The following SOX5 variants were observed in gnomAD, a reference collection of about 807,000 sequenced individuals.
The protein encoded by SOX5 is transcription factor SOX-5.
A neutral mutation model predicts 92.0 loss-of-function variants in SOX5; 9 were observed. The observed-to-expected ratio is 0.10, with a 90% CI of 0.06 to 0.17. The LOEUF (loss-of-function observed/expected upper bound fraction) is 0.17. SOX5 is among the 10% of genes least tolerant of loss of function. The probability of loss-of-function intolerance (pLI) is 1.00; values close to 1 mark genes in which losing one functional copy is unlikely to be tolerated. For synonymous variants in SOX5, 344 were observed against 336.3 expected, an observed-to-expected ratio of 1.02 and a Z score of -0.25; for missense variants, 642 against 944.5, an observed-to-expected ratio of 0.68 and a Z score of 4.20.
chr12:23,710,211 G>A (rs1412490496), intron 6 of SOX5, among the ~76,000 whole-genome samples: 2 of 151,938 alleles, frequency 1.3e-5, no homozygotes, highest in Non-Finnish European at 2.9e-5. Context: ...ACATAATTTG[G>A]CCTGGAATAT....
At chr12:24,171,174 A>T (rs1199908344) in intron 4 of SOX5, among the ~76,000 whole-genome samples, 3 of 56,212 alleles carry the variant, frequency 5.3e-5, no homozygotes, top group Admixed American at 1.8e-4. Context: ...TCTAATAGTG[A>T]TTTTAGTTTT....
At chr12:24,206,161 G>A (rs571517459) in intron 4 of SOX5, among the ~76,000 whole-genome samples, 8 of 152,132 alleles carry the variant, frequency 5.3e-5, no homozygotes, top group Non-Finnish European at 1.0e-4. Flanking sequence ...ATTTAGATAA[G>A]AGCCAAAAAA....
At chr12:23,647,920 CT>C (rs1330252241) in intron 7 of SOX5, among the ~76,000 whole-genome samples, 3 of 152,216 alleles carry the variant, frequency 2.0e-5, no homozygotes, top group Non-Finnish European at 2.9e-5. Context: ...TGGCATAGCA[CT>C]TTTAATTTCC....
At chr12:23,859,616 C>T (rs1361407911) in intron 2 of SOX5, among the ~76,000 whole-genome samples, 3 of 152,146 alleles carry the variant, frequency 2.0e-5, no homozygotes, top group Non-Finnish European at 4.4e-5. Context: ...TTATTGCCCT[C>T]TGAAGCATGT....
At chr12:24,374,574 G>A (rs1033906512) in intron 1 of SOX5, among the ~76,000 whole-genome samples, 1 of 151,990 alleles carries the variant, frequency 6.6e-6, no homozygotes, top group Non-Finnish European at 1.5e-5. Context: ...AGGAAGCCCT[G>A]GCATGGGGAG....
At chr12:23,849,263 T>C (rs1228165788) in intron 2 of SOX5, among the ~76,000 whole-genome samples, 1 of 152,200 alleles carries the variant, frequency 6.6e-6, no homozygotes, top group Admixed American at 6.6e-5. Flanking sequence ...TAAACTGAAA[T>C]TAAGTTCATA....
At chr12:24,259,229 A>G (rs561214154) in intron 3 of SOX5, among the ~76,000 whole-genome samples, 1 of 152,172 alleles carries the variant, frequency 6.6e-6, no homozygotes, top group Non-Finnish European at 1.5e-5. Context: ...AGCGAGCGAG[A>G]GAGAGAGCAA....
chr12:23,913,934 T>A (rs74770273), intron 1 of SOX5, among the ~76,000 whole-genome samples: 1 of 152,126 alleles, frequency 6.6e-6, no homozygotes, highest in African/African-American at 2.4e-5. Flanking sequence ...ATCCAATAGC[T>A]TAGTCTATAG....
intron 2 of SOX5, among the ~76,000 whole-genome samples, chr12:23,874,243 T>C (rs897234739): frequency 1.6e-4 from 24 of 152,226 alleles, no homozygotes; most frequent in African/African-American, 4.8e-4. Context: ...GGAAACATTC[T>C]CATTAAAAAT....
In SOX5 at chr12:23,544,525, A is replaced by G. The variant is rs182187348; in HGVS notation, c.1598-1141T>C. Reference sequence around the variant, plus strand: ...CTTTTCTTTATTTTTAAATTTGGAGACACAGGAATCAAACAAAATTGCCCA... The same window carrying G: ...CTTTTCTTTATTTTTAAATTTGGAGGCACAGGAATCAAACAAAATTGCCCA... On this transcript the variant is annotated intron_variant, in intron 12 of 14. Transcript: ENST00000451604. Among the ~76,000 whole-genome samples, 72 of 152,240 alleles carry G rather than the reference A, an allele frequency of 4.7e-4. 1 individual carries two copies. The highest frequency in any genetic ancestry group is 1.7e-3 in the African/African-American group (71 of 41,552).
intron 2 of SOX5, among the ~76,000 whole-genome samples, chr12:24,355,347 A>G (rs1229343157): frequency 1.7e-5 from 2 of 118,984 alleles, no homozygotes; most frequent in African/African-American, 6.9e-5. Context: ...TCGCTCTGTC[A>G]CCCAGGCTGG....
chr12:23,563,116 A>G, intron 11 of SOX5, 142 bp downstream of exon 11: 1 of 635,764 alleles, frequency 1.6e-6, no homozygotes, highest in Non-Finnish European at 2.6e-6. Flanking sequence ...GATGGCGATG[A>G]GGCCTTCTAT....
At chr12:24,306,568 T>C (rs1948594301) in intron 2 of SOX5, among the ~76,000 whole-genome samples, 1 of 152,158 alleles carries the variant, frequency 6.6e-6, no homozygotes, top group Admixed American at 6.5e-5. Context: ...TGTGCCTAGA[T>C]GGCACCCACA....
intron 4 of SOX5, among the ~76,000 whole-genome samples, chr12:24,193,128 A>G (rs1269822337): frequency 2.0e-5 from 3 of 152,366 alleles, no homozygotes; most frequent in Non-Finnish European, 4.4e-5. Context: ...GAAAAACTGT[A>G]GCGCCATATA....
chr12:23,979,698 G>GTTTTTTTTTTTTTTTTTTTTTTTTTT lies in SOX5; in HGVS notation c.-1-83675_-1-83674insAAAAAAAAAAAAAAAAAAAAAAAAAA, dbSNP rs67253622. 3.2e-4 allele frequency among the ~76,000 whole-genome samples: 21 copies of GTTTTTTTTTTTTTTTTTTTTTTTTTT among 64,706 alleles called. 9 individuals carry two copies. The East Asian group carries it at 6.2e-3, about 19-fold the overall frequency. The allele number at this position is 64,706 out of a possible 152,430, so 42.4% of individuals were successfully genotyped here. A position where few individuals can be genotyped will look rare whatever the true frequency, so the allele number is the denominator to read the frequency against. On this transcript the variant is annotated intron_variant, in intron 4 of 4. Transcript: ENST00000446891. Reference sequence around the variant, plus strand: ...TTCTTCCTTCCATATATATATATATGTTTTTTTTGTTTTTTTTTTTTTTTT... The same window carrying GTTTTTTTTTTTTTTTTTTTTTTTTTT: ...TTCTTCCTTCCATATATATATATATGTTTTTTTTTTTTTTTTTTTTTTTTTTTTTTTTTTGTTTTTTTTTTTTTTTT...
intron 3 of SOX5, among the ~76,000 whole-genome samples, chr12:24,220,943 A>T (rs920020198): frequency 8.9e-5 from 13 of 146,370 alleles, no homozygotes; most frequent in African/African-American, 3.3e-4. Flanking sequence ...CGTGTTAGAC[A>T]CCTTATCTAC....
At position 24,441,965 on chromosome 12, in the gene SOX5, A is replaced by T. The variant is rs190957749; in HGVS notation, c.-250-73326T>A. Among the ~76,000 whole-genome samples the T allele has an allele frequency of 2.4e-3, 371 of 152,346 alleles. 2 individuals are homozygous for T. The highest frequency in any genetic ancestry group is 4.4e-3 in the Non-Finnish European group (300 of 68,028). ...AATCCTTTCTTGAAGTGCTTTGTGG[A>T]TTTAAGGAGGTAGGAAACTTAAAAC... On this transcript the variant is annotated intron_variant, in intron 1 of 4. Transcript: ENST00000446891.
chr12:23,978,141 G>A (rs1413813232), intron 4 of SOX5, among the ~76,000 whole-genome samples: 1 of 152,110 alleles, frequency 6.6e-6, no homozygotes. Context: ...CCAAAGGTGT[G>A]CTAAATTAAT....
chr12:23,582,694 TG>T (rs1950213376), intron 9 of SOX5, among the ~76,000 whole-genome samples: 2 of 152,138 alleles, frequency 1.3e-5, no homozygotes, highest in South Asian at 4.1e-4. Flanking sequence ...GCCATTTAAA[TG>T]TAAGTCTTAT....
Sources: gnomAD v4.1 joint callset for allele counts (sites outside exome capture counted in the v4.1 genomes callset) on GRCh38, gnomAD v4.1.1 for gene constraint, MANE v1.5 for transcripts, NCBI Gene and HGNC (gene_info 2026-07-23, HGNC 2026-07-21) for gene names.